EPC2: variants seen among roughly 807,000 people sequenced by gnomAD.
The protein encoded by EPC2 is enhancer of polycomb 2.
EPC2 carries 14 observed loss-of-function variants against 92.1 expected under a neutral mutation model. The observed-to-expected ratio is 0.15, with a 90% confidence interval of 0.10 to 0.24. The LOEUF is 0.24. EPC2 is among the 10% of genes least tolerant of loss of function. The pLI, the probability that EPC2 is intolerant of heterozygous loss-of-function variation, is 1.00. For synonymous variants in EPC2, 340 were observed against 334.7 expected (o/e 1.02, Z -0.17); for missense variants, 755 against 971.5 (o/e 0.78, Z 2.96).
chr2:148,713,438 C>T (rs1004050612), intron 2 of EPC2, among the ~76,000 whole-genome samples: 16 of 151,976 alleles, frequency 1.1e-4, no homozygotes, highest in South Asian at 4.2e-4. Context: ...TGTGGTGTTA[C>T]AAAAGAGACA....
intron 2 of EPC2, among the ~76,000 whole-genome samples, chr2:148,710,920 G>A (rs1682126612): frequency 6.6e-6 from 1 of 151,964 alleles, no homozygotes; most frequent in South Asian, 2.1e-4. Flanking sequence ...TATACCTCCT[G>A]TATGCACGCA....
chr2:148,668,981 A>C (rs776825564), intron 1 of EPC2, among the ~76,000 whole-genome samples: 14 of 151,900 alleles, frequency 9.2e-5, no homozygotes, highest in Admixed American at 6.6e-5. Context: ...TTCTATTTTA[A>C]TACAGGTGTT....
intron 2 of EPC2, among the ~76,000 whole-genome samples, chr2:148,729,095 A>T (rs550233008): frequency 6.6e-6 from 1 of 151,682 alleles, no homozygotes; most frequent in Admixed American, 6.6e-5. Context: ...ACATATTATA[A>T]ATAGTTCATG....
At chr2:148,752,018 A>C (rs1265358870) in intron 3 of EPC2, among the ~76,000 whole-genome samples, 1 of 152,198 alleles carries the variant, frequency 6.6e-6, no homozygotes, top group East Asian at 1.9e-4. Context: ...TACACATTGT[A>C]AGCTGGAGCA....
chr2:148,682,115 CTG>C (rs1453467925), intron 1 of EPC2, among the ~76,000 whole-genome samples: 1 of 152,330 alleles, frequency 6.6e-6, no homozygotes, highest in East Asian at 1.9e-4. Context: ...TTAATCCAGT[CTG>C]TCATTCATGG....
intron 6 of EPC2, among the ~76,000 whole-genome samples, chr2:148,764,355 A>T (rs1683367843): frequency 6.6e-6 from 1 of 152,206 alleles, no homozygotes; most frequent in Admixed American, 6.5e-5. Context: ...GGGGGCTGGA[A>T]ACCTACCCCT....
At chr2:148,721,712 C>CTTTTTTTTTTTTTTT (rs34017461) in intron 2 of EPC2, among the ~76,000 whole-genome samples, 2 of 111,534 alleles carry the variant, frequency 1.8e-5, no homozygotes, top group African/African-American at 3.5e-5. Context: ...CTGTTTTATT[C>CTTTTTTTTTTTTTTT]TTTTTTTTTT....
intron 3 of EPC2, among the ~76,000 whole-genome samples, chr2:148,752,416 C>T (rs114219941): frequency 0.025 from 3,825 of 152,114 alleles, 54 homozygotes; most frequent in East Asian, 0.032. Context: ...ATCACCATTC[C>T]GGAGAACTCC....
At position 148,771,163 on chromosome 2, in the gene EPC2, G is replaced by A. The variant is rs375081989; in HGVS notation, c.1496G>A (p.Arg499Gln). ...QTIDFSSNFS[R>Q]TNASSKHCEN... ...ATAGACTTTTCTTCTAATTTCTCTC[G>A]GACCAATGCTTCCAGTAAACATTGT... The change falls in exon 10 of 14, where the codon CGG (arginine) becomes CAG (glutamine). Residue 499 changes from arginine to glutamine, a missense_variant. Physicochemically the swap from Arg to Gln is conservative, Grantham distance 43. Around this residue, in one of 4 missense-constraint regions of EPC2, gnomAD observed 509 missense variants for 607.7 expected, o/e 0.84. Coordinates refer to ENST00000258484, the MANE Select transcript of EPC2 (RefSeq NM_015630.4). 2.0e-5 allele frequency: 32 copies of A among 1,613,668 alleles called. No individual in the cohort carries two copies. The highest frequency in any genetic ancestry group is 1.2e-4 in the Admixed American group (7 of 59,984).
At chr2:148,680,338 G>A (rs1243872410) in intron 1 of EPC2, among the ~76,000 whole-genome samples, 1 of 152,164 alleles carries the variant, frequency 6.6e-6, no homozygotes, top group African/African-American at 2.4e-5. Flanking sequence ...CTCTGACTAG[G>A]TGAGTTTCTT....
intron 2 of EPC2, among the ~76,000 whole-genome samples, chr2:148,722,538 G>A (rs1235095510): frequency 1.3e-5 from 2 of 152,208 alleles, no homozygotes; most frequent in African/African-American, 2.4e-5. Context: ...ATGCTGGTGA[G>A]GTTGCAGAGA....
intron 2 of EPC2, among the ~76,000 whole-genome samples, chr2:148,720,832 G>A (rs992253767): frequency 7.2e-5 from 11 of 152,148 alleles, no homozygotes; most frequent in African/African-American, 2.7e-4. Flanking sequence ...AAGTCTCAAT[G>A]CGACTACCTG....
chr2:148,752,939 TATCTC>T (rs533938051), intron 3 of EPC2, among the ~76,000 whole-genome samples: 82 of 152,314 alleles, frequency 5.4e-4, no homozygotes, highest in Admixed American at 2.7e-3. Flanking sequence ...TCTTGGGAAA[TATCTC>T]AGCTTCTGAA....
intron 1 of EPC2, among the ~76,000 whole-genome samples, chr2:148,674,764 G>A (rs1311553822): frequency 2.0e-5 from 3 of 152,296 alleles, no homozygotes; most frequent in South Asian, 2.1e-4. Flanking sequence ...TTCAATGCAC[G>A]TGTTCCTGGC....
At chr2:148,735,714 T>C (rs1483331177) in intron 2 of EPC2, among the ~76,000 whole-genome samples, 1 of 152,018 alleles carries the variant, frequency 6.6e-6, no homozygotes, top group Admixed American at 6.5e-5. Flanking sequence ...ATTATAGTAA[T>C]ACTATTAATA....
At chr2:148,779,142 A>C (rs1488260010) in intron 10 of EPC2, among the ~76,000 whole-genome samples, 2 of 111,248 alleles carry the variant, frequency 1.8e-5, no homozygotes, top group Non-Finnish European at 3.8e-5. Context: ...GAGACACCCC[A>C]AAAAACAGCT....
intron 4 of EPC2, among the ~76,000 whole-genome samples, chr2:148,755,404 G>A (rs182385113): frequency 3.3e-5 from 5 of 151,978 alleles, no homozygotes; most frequent in African/African-American, 4.8e-5. Flanking sequence ...ACTATCAATC[G>A]CTTTTTGAAA....
Position 148,764,960 on chromosome 2 carries a change from T to C in EPC2, c.954T>C (p.Pro318=). The change falls in exon 7 of 14, where the codon CCT becomes CCC. Residue 318 remains proline (P), a synonymous_variant. Coordinates refer to ENST00000258484, the MANE Select transcript of EPC2 (RefSeq NM_015630.4). ...HKVQECKTKH[P]HHLSLKEEAS... is the part of the protein sequence containing the mutation. ...AAAAATCGTCATGTAAACAGCACCC[T>C]CATCATTTGTCTTTGAAAGAAGAGG... The C allele has an allele frequency of 6.5e-7, 1 of 1,544,662 alleles. No individual in the cohort carries two copies. The highest frequency in any genetic ancestry group is 8.7e-7 in the Non-Finnish European group (1 of 1,147,294).
chr2:148,779,699 C>T (rs528077943), intron 10 of EPC2, among the ~76,000 whole-genome samples: 1 of 152,182 alleles, frequency 6.6e-6, no homozygotes, highest in East Asian at 1.9e-4. Flanking sequence ...TTGTTTCTCT[C>T]TCAATTTTGA....
Sources: allele counts gnomAD v4.1 joint callset (sites outside exome capture counted in the v4.1 genomes callset), GRCh38; gene constraint gnomAD v4.1.1; regional missense constraint gnomAD v4.1.1; transcripts MANE v1.5; gene names NCBI Gene and HGNC (gene_info 2026-07-23, HGNC 2026-07-21).